Variants in C5orf63 observed in about 807,000 individuals in gnomAD.
C5orf63 encodes the protein glutaredoxin-like protein C5orf63.
C5orf63 carries 18 observed loss-of-function variants against 13.3 expected under a neutral mutation model. The observed-to-expected ratio is 1.36, with a 90% CI of 0.94 to 2.01. The LOEUF is 2.01. C5orf63 is among the 30% of genes most tolerant of loss of function. C5orf63 has a pLI of 0.00. For synonymous variants in C5orf63, 38 were observed against 44.7 expected, an observed-to-expected ratio of 0.85 and a Z score of 0.60; for missense variants, 118 against 127.7, an observed-to-expected ratio of 0.92 and a Z score of 0.36.
intron 2 of C5orf63, among the ~76,000 whole-genome samples, chr5:127,063,486 T>C (rs1754186507): frequency 6.6e-6 from 1 of 152,228 alleles, no homozygotes; most frequent in South Asian, 2.1e-4. Context: ...CACAACATTA[T>C]TCTCACTTGA....
In C5orf63 at chr5:127,051,924, G is replaced by T; in HGVS notation, c.195C>A (p.Ile65=). 2 of 1,518,466 alleles carry T rather than the reference G, an allele frequency of 1.3e-6. No individual in the cohort carries two copies. The highest frequency in any genetic ancestry group is 1.8e-6 in the Non-Finnish European group (2 of 1,138,638). 94.1% of individuals were successfully genotyped at this position (1,518,466 alleles called of 1,614,324 possible). A position where few individuals can be genotyped will look rare whatever the true frequency, so the allele number is the denominator to read the frequency against. Residue 65 remains isoleucine (I), a synonymous_variant, in exon 5 of 5, where the codon ATC becomes ATA. Coordinates refer to ENST00000296662, the MANE Select transcript of C5orf63 (RefSeq NM_001164478.2). ...ACCAGACAGAGTTTTCTGGAAGTGTGATGTTCACCTCCTGTAAAATGAACT... is the reference window on the plus strand; with the variant it reads ...ACCAGACAGAGTTTTCTGGAAGTGTTATGTTCACCTCCTGTAAAATGAACT... ...ENRFILQEVN[I]TLPENSVWYE...
chr5:127,059,379 G>A (rs1754011398), intron 2 of C5orf63, among the ~76,000 whole-genome samples: 1 of 152,064 alleles, frequency 6.6e-6, no homozygotes, highest in Admixed American at 6.6e-5. Flanking sequence ...TATTCTCATG[G>A]ATAGCTTATT....
intron 2 of C5orf63, among the ~76,000 whole-genome samples, chr5:127,062,397 C>A (rs1353776455): frequency 6.6e-6 from 1 of 152,172 alleles, no homozygotes; most frequent in Non-Finnish European, 1.5e-5. Context: ...TTACTACCTG[C>A]ATATTCTTCA....
chr5:127,063,940 T>G (rs1338067996), intron 2 of C5orf63, among the ~76,000 whole-genome samples: 1 of 152,146 alleles, frequency 6.6e-6, no homozygotes, highest in Non-Finnish European at 1.5e-5. Context: ...TTATTTTAGA[T>G]TACTGGAAGT....
intron 1 of C5orf63, among the ~76,000 whole-genome samples, chr5:127,072,906 C>T (rs1490716961): frequency 6.6e-6 from 1 of 152,210 alleles, no homozygotes; most frequent in Non-Finnish European, 1.5e-5. Context: ...ACCCAGAGGG[C>T]TGCTTTTGCC....
rs78870635 is a variant in C5orf63, at chr5:127,060,154, A to G, written c.-7-1152T>C. Among the ~76,000 whole-genome samples, 1,296 of 152,244 alleles carry G rather than the reference A, an allele frequency of 8.5e-3. 21 individuals carry two copies. Among genetic ancestry groups the G allele is most frequent in the East Asian group, 0.027 (138 of 5,186 alleles). ...ACTACATCTCAAAAAAAACAAAAAC[A>G]AGAACAAAAACCACAAAGCTTACTT... On this transcript the variant is annotated intron_variant, in intron 2 of 4. Coordinates refer to ENST00000296662, the MANE Select transcript of C5orf63 (RefSeq NM_001164478.2).
downstream of C5orf63, among the ~76,000 whole-genome samples, chr5:127,048,230 A>G (rs1753567323): frequency 6.8e-6 from 1 of 147,206 alleles, no homozygotes; most frequent in Non-Finnish European, 1.5e-5. Context: ...CATTTGGTTC[A>G]TATTTGGTCC....
At position 127,051,844 on chromosome 5, in the gene C5orf63, A is replaced by G; in HGVS notation, c.275T>C (p.Met92Thr). The change falls in exon 5 of 5, where the codon ATG becomes ACG. Residue 92 changes from methionine (M) to threonine (T), a missense_variant. Coordinates refer to ENST00000296662, the MANE Select transcript of C5orf63 (RefSeq NM_001164478.2). ...TTTTGAGGTGTTTACTCGATGCATC[A>G]TCAGAAACTGGCCATTCAAGTGAAA... The part of the protein sequence containing the change: ...PVFHLNGQFL[M>T]MHRVNTSKLE... 2 of 1,536,442 alleles carry G rather than the reference A, an allele frequency of 1.3e-6. No individual in the cohort carries two copies. The highest frequency in any genetic ancestry group is 8.7e-7 in the Non-Finnish European group (1 of 1,146,444).
At chr5:127,070,795 A>T (rs978616055) in intron 2 of C5orf63, among the ~76,000 whole-genome samples, 7 of 152,206 alleles carry the variant, frequency 4.6e-5, no homozygotes, top group African/African-American at 1.7e-4. Context: ...GTGTGGAGAC[A>T]GGACTGGTGG....
chr5:127,059,738 A>AAG (rs893672138), intron 2 of C5orf63, among the ~76,000 whole-genome samples: 1 of 151,596 alleles, frequency 6.6e-6, no homozygotes, highest in East Asian at 1.9e-4. Context: ...CAAAAAAAAA[A>AAG]AAAAAGAAAA....
chr5:127,043,496 C>T (rs1310662896), downstream of C5orf63: 2 of 152,164 alleles, frequency 1.3e-5, no homozygotes, highest in African/African-American at 4.8e-5. Context: ...TGAGAGAATC[C>T]ATGCAGAACA....
In C5orf63 at chr5:127,051,778, C is replaced by G; in HGVS notation, c.341G>C (p.Gly114Ala). ...AAATCATGAGGGCATCAGTCAGCCT[C>G]CAGTACTTTGCTGCTCAAGTTTCAG... The part of the protein sequence containing the change: ...QLLKLEQQST[G>A]G Residue 114 changes from glycine to alanine, a missense_variant, in exon 5 of 5, where the codon GGA (glycine) becomes GCA (alanine). Gly to Ala is a moderately conservative substitution (Grantham distance 60, BLOSUM62 0). Transcript: ENST00000296662. 6.6e-7 allele frequency: 1 copy of G among 1,516,802 alleles called. No homozygotes were observed. Among genetic ancestry groups the G allele is most frequent in the South Asian group, 1.2e-5 (1 of 80,018 alleles). The allele number at this position is 1,516,802 out of a possible 1,614,324, so 94.0% of individuals were successfully genotyped here. A position where few individuals can be genotyped will look rare whatever the true frequency, so the allele number is the denominator to read the frequency against.
intron 3 of C5orf63, among the ~76,000 whole-genome samples, chr5:127,053,107 A>G (rs1317247502): frequency 6.6e-6 from 1 of 152,184 alleles, no homozygotes; most frequent in Non-Finnish European, 1.5e-5. Flanking sequence ...GTTTTTCCTA[A>G]TCAGTCCACA....
intron 2 of C5orf63, among the ~76,000 whole-genome samples, chr5:127,061,482 C>T (rs191561624): frequency 3.9e-5 from 6 of 152,164 alleles, no homozygotes; most frequent in Non-Finnish European, 8.8e-5. Flanking sequence ...CTGATAAATG[C>T]ATAAAAAAGG....
downstream of C5orf63, chr5:127,047,844 G>A (rs1287706535): frequency 1.4e-6 from 1 of 703,900 alleles, no homozygotes; most frequent in Admixed American, 2.0e-5. Flanking sequence ...GAGAAGCCAT[G>A]TGGGGGTGGG....
chr5:127,073,283 C>T (rs1455194654), intron 1 of C5orf63, 168 bp downstream of exon 1: 1 of 152,088 alleles, frequency 6.6e-6, no homozygotes, highest in East Asian at 1.9e-4. Context: ...CGTTTATAAT[C>T]TCCCCCAAGT....
At chr5:127,043,418 C>T (rs1753450058), downstream of C5orf63, 1 of 152,092 alleles carries the variant, frequency 6.6e-6, no homozygotes, top group South Asian at 2.1e-4. Flanking sequence ...TTGATAAGAA[C>T]CCTAACTTGA....
intron 2 of C5orf63, among the ~76,000 whole-genome samples, chr5:127,069,923 T>G (rs1335279158): frequency 2.0e-5 from 3 of 152,196 alleles, no homozygotes; most frequent in Non-Finnish European, 4.4e-5. Flanking sequence ...TATTTTCTCC[T>G]GGAACAATGG....
At chr5:127,056,426 T>C (rs879773885) in intron 3 of C5orf63, 6 of 153,228 alleles carry the variant, frequency 3.9e-5, no homozygotes, top group Non-Finnish European at 5.8e-5. Flanking sequence ...GGCCTCATAA[T>C]GATGGCGGAA....
Sources: allele counts gnomAD v4.1 joint callset (sites outside exome capture counted in the v4.1 genomes callset), GRCh38; gene constraint gnomAD v4.1.1; transcripts MANE v1.5; gene names NCBI Gene and HGNC (gene_info 2026-07-23, HGNC 2026-07-21).